The following KLHL29 variants were observed in gnomAD, a reference collection of about 807,000 sequenced individuals.
The protein encoded by KLHL29 is kelch-like protein 29.
Under a neutral mutation model 80.4 loss-of-function variants are expected in KLHL29, and 21 were observed. The observed-to-expected ratio is 0.26, with a 90% CI of 0.19 to 0.38. The LOEUF is 0.38. Ranked by LOEUF, KLHL29 falls within the 10% of genes least tolerant of loss-of-function variation. The pLI is 1.00. For synonymous variants in KLHL29, 511 were observed against 526.8 expected (o/e 0.97, Z 0.41); for missense variants, 867 against 1,223.9 (o/e 0.71, Z 4.35).
intron 2 of KLHL29, chr2:23,523,838 T>C (rs1289999455): frequency 2.8e-6 from 1 of 356,150 alleles, no homozygotes; most frequent in Non-Finnish European, 5.9e-6. Flanking sequence ...AAGACTCATT[T>C]CAACAAGCTT....
At chr2:23,429,561 T>C (rs1223414822) in intron 1 of KLHL29, among the ~76,000 whole-genome samples, 3 of 152,210 alleles carry the variant, frequency 2.0e-5, no homozygotes, top group Admixed American at 1.3e-4. Context: ...GAGACCAGCC[T>C]GGCCAACATG....
chr2:23,623,892 A>C (rs1390408864), intron 3 of KLHL29, among the ~76,000 whole-genome samples: 2 of 152,200 alleles, frequency 1.3e-5, no homozygotes, highest in African/African-American at 4.8e-5. Flanking sequence ...AGCTGTGACC[A>C]AGTTCTGGGT....
chr2:23,495,023 C>G (rs1665221286), intron 2 of KLHL29, among the ~76,000 whole-genome samples: 2 of 152,164 alleles, frequency 1.3e-5, no homozygotes, highest in Non-Finnish European at 2.9e-5. Context: ...GGAAGGAAAT[C>G]TCTTTTATTT....
At chr2:23,563,204 T>C (rs1195981398) in intron 3 of KLHL29, among the ~76,000 whole-genome samples, 1 of 152,230 alleles carries the variant, frequency 6.6e-6, no homozygotes, top group Non-Finnish European at 1.5e-5. Context: ...CCAACCTGTG[T>C]TGCTGAATGG....
At chr2:23,586,362 CT>C (rs778067234) in intron 3 of KLHL29, among the ~76,000 whole-genome samples, 6,458 of 96,866 alleles carry the variant, frequency 0.067, 72 homozygotes, top group Non-Finnish European at 0.08. Flanking sequence ...AAAAGCATTA[CT>C]TTTTTTTTTT....
chr2:23,400,188 C>T lies in KLHL29; in HGVS notation c.-154+14408C>T, dbSNP rs556650590. 5.9e-5 allele frequency among the ~76,000 whole-genome samples: 9 copies of T among 152,300 alleles called. No individual in the cohort carries two copies. In the East Asian group the frequency reaches 1.2e-3, roughly 20 times the overall value. On this transcript the variant is annotated intron_variant, in intron 1 of 13. Coordinates refer to ENST00000486442, the MANE Select transcript of KLHL29 (RefSeq NM_052920.2). ...TAGCTGCCACACCCTTCCCCAGCTC[C>T]GACGGCCACCTGCAGATGTGATCAG... is the stretch of plus-strand genomic sequence containing the variant.
At chr2:23,642,234 C>T (rs1669788190) in intron 4 of KLHL29, 104 bp from the exon 5 acceptor site, 4 of 1,099,188 alleles carry the variant, frequency 3.6e-6, no homozygotes, top group African/African-American at 1.6e-5. Flanking sequence ...GCAGGTGTCT[C>T]GTTCCCCTCT....
At chr2:23,574,598 A>G (rs567847799) in intron 3 of KLHL29, among the ~76,000 whole-genome samples, 57 of 152,292 alleles carry the variant, frequency 3.7e-4, no homozygotes, top group Admixed American at 1.9e-3. Flanking sequence ...GTTTGGGATG[A>G]TACAAAAGCT....
chr2:23,569,062 A>G (rs1667655118), intron 3 of KLHL29, among the ~76,000 whole-genome samples: 2 of 152,222 alleles, frequency 1.3e-5, no homozygotes, highest in African/African-American at 4.8e-5. Context: ...AGAAGCTCCA[A>G]TGCTTGATCC....
intron 2 of KLHL29, among the ~76,000 whole-genome samples, chr2:23,497,186 T>C (rs1158892261): frequency 6.6e-6 from 1 of 152,154 alleles, no homozygotes; most frequent in Non-Finnish European, 1.5e-5. Context: ...GTATTTCCGC[T>C]GGGTTGGTTG....
At chr2:23,504,986 A>G (rs1205136956) in intron 2 of KLHL29, among the ~76,000 whole-genome samples, 1 of 152,220 alleles carries the variant, frequency 6.6e-6, no homozygotes, top group African/African-American at 2.4e-5. Context: ...ACCTGCTGCC[A>G]TGAGGGGGAC....
At chr2:23,614,410 A>T (rs1668949662) in intron 3 of KLHL29, among the ~76,000 whole-genome samples, 1 of 152,252 alleles carries the variant, frequency 6.6e-6, no homozygotes, top group South Asian at 2.1e-4. Flanking sequence ...GCCTCAAAAT[A>T]TAAAAGGCAA....
At chr2:23,578,910 A>C (rs1009930784) in intron 3 of KLHL29, among the ~76,000 whole-genome samples, 3 of 152,162 alleles carry the variant, frequency 2.0e-5, no homozygotes, top group African/African-American at 7.2e-5. Flanking sequence ...TGCATGTAGC[A>C]CCTCGCTAAT....
intron 6 of KLHL29, among the ~76,000 whole-genome samples, chr2:23,685,706 G>T (rs781763273): frequency 6.6e-6 from 1 of 152,184 alleles, no homozygotes; most frequent in Non-Finnish European, 1.5e-5. Flanking sequence ...TCCTGCCCCC[G>T]GTGCTTGGGC....
At chr2:23,600,181 A>G (rs936606276) in intron 3 of KLHL29, among the ~76,000 whole-genome samples, 5 of 152,258 alleles carry the variant, frequency 3.3e-5, no homozygotes, top group Non-Finnish European at 7.3e-5. Context: ...ATAAAAATGT[A>G]GGCTGGTTCA....
At chr2:23,668,726 A>G (rs1572480734) in intron 5 of KLHL29, 1 of 151,358 alleles carries the variant, frequency 6.6e-6, no homozygotes, top group South Asian at 2.1e-4. Flanking sequence ...TGGTTTGCAG[A>G]CCCTCCTGAT....
chr2:23,431,901 C>CAAAAA (rs11357606), intron 1 of KLHL29, among the ~76,000 whole-genome samples: 7 of 67,908 alleles, frequency 1.0e-4, no homozygotes, highest in East Asian at 4.5e-4. Context: ...GACTCCATCT[C>CAAAAA]AAAAAAAAAA....
chr2:23,643,698 G>T (rs903114778), intron 5 of KLHL29: 7 of 152,410 alleles, frequency 4.6e-5, no homozygotes, highest in Non-Finnish European at 1.0e-4. Context: ...CTCTGCTATA[G>T]GTTTGCCTAG....
intron 3 of KLHL29, among the ~76,000 whole-genome samples, chr2:23,606,331 C>T (rs1309270203): frequency 6.6e-6 from 1 of 152,094 alleles, no homozygotes; most frequent in East Asian, 1.9e-4. Flanking sequence ...TCCTCCCAGC[C>T]GCTCTGCTGC....
Sources: gnomAD v4.1 joint callset for allele counts (sites outside exome capture counted in the v4.1 genomes callset) on GRCh38, gnomAD v4.1.1 for gene constraint, MANE v1.5 for transcripts, NCBI Gene and HGNC (gene_info 2026-07-23, HGNC 2026-07-21) for gene names.